The following CCNG2 variants were observed in gnomAD, a reference collection of about 807,000 sequenced individuals.
CCNG2 encodes cyclin G2.
A neutral mutation model predicts 36.5 loss-of-function variants in CCNG2; 20 were observed. That is an observed-to-expected ratio of 0.55 (90% CI 0.39 to 0.80). The LOEUF (loss-of-function observed/expected upper bound fraction) is 0.80. CCNG2 is among the 30% of genes least tolerant of loss of function. The pLI is 0.00. For missense variants in CCNG2, 358 were observed against 390.8 expected, an observed-to-expected ratio of 0.92 and a Z score of 0.71; for synonymous variants, 155 against 140.1, an observed-to-expected ratio of 1.11 and a Z score of -0.75.
intron 6 of CCNG2, 65 bp from the exon 7 acceptor site, chr4:77,164,209 T>G (rs1731561478): frequency 2.6e-6 from 3 of 1,175,928 alleles, no homozygotes; most frequent in Admixed American, 3.5e-5. Flanking sequence ...GCTCACCTAG[T>G]GATTCCAAGG....
chr4:77,160,997 G>A, intron 4 of CCNG2, 26 bp downstream of exon 4: 1 of 1,530,214 alleles, frequency 6.5e-7, no homozygotes. Context: ...GATACATTTT[G>A]TACTTTGAAC....
chr4:77,158,037 C>T (rs1023269892), intron 1 of CCNG2, among the ~76,000 whole-genome samples: 1 of 151,792 alleles, frequency 6.6e-6, no homozygotes, highest in African/African-American at 2.4e-5. Flanking sequence ...CCGAGAGGGG[C>T]TTCTGCAGCT....
rs1249880264 is a variant in CCNG2, at chr4:77,167,301, A to G, written c.*1377A>G. On this transcript the variant is annotated 3_prime_UTR_variant, in exon 8 of 8. Transcript: ENST00000316355. The stretch of plus-strand genomic sequence containing the variant: ...CTTTAGGTGAGGCTACAGTGATTCC[A>G]GAGTGAGCCTTCTAACTGGCTAGCA... The G allele has an allele frequency of 6.6e-6, 1 of 152,232 alleles. No homozygotes were observed. The highest frequency in any genetic ancestry group is 1.5e-5 in the Non-Finnish European group (1 of 68,030). 9.4% of individuals were successfully genotyped at this position (152,232 alleles called of 1,614,324 possible). A position where few individuals can be genotyped will look rare whatever the true frequency, so the allele number is the denominator to read the frequency against.
At chr4:77,163,691 A>G (rs552821742) in intron 6 of CCNG2, among the ~76,000 whole-genome samples, 5 of 152,192 alleles carry the variant, frequency 3.3e-5, no homozygotes, top group Non-Finnish European at 5.9e-5. Flanking sequence ...ACGTAAAAAG[A>G]AAAACAAAAA....
intron 6 of CCNG2, among the ~76,000 whole-genome samples, chr4:77,163,011 T>C (rs1731528323): frequency 6.6e-6 from 1 of 152,038 alleles, no homozygotes; most frequent in Non-Finnish European, 1.5e-5. Context: ...GCAGGAAATT[T>C]GGGAGAAGTT....
chr4:77,160,808 A>C lies in CCNG2; in HGVS notation c.364A>C (p.Thr122Pro). 1 of 1,613,812 alleles carries C rather than the reference A, an allele frequency of 6.2e-7. No individual in the cohort carries two copies. The highest frequency in any genetic ancestry group is 1.1e-5 in the South Asian group (1 of 91,076). ...TGAAGAAGACTGCAATATTCCATCC[A>C]CTCATGATGTGATCCGGATTAGTCA... ...IVEEDCNIPS[T>P]HDVIRISQCK... The change falls in exon 4 of 8, where the codon ACT becomes CCT. Residue 122 changes from threonine to proline, a missense_variant. By Grantham distance (38) the Thr-to-Pro change is conservative (BLOSUM62 -1). Coordinates refer to ENST00000316355, the MANE Select transcript of CCNG2 (RefSeq NM_004354.3).
Position 77,169,164 on chromosome 4 carries a change from T to C in CCNG2, c.*3240T>C, listed in dbSNP as rs1427149189. On this transcript the variant is annotated 3_prime_UTR_variant, in exon 8 of 8. Coordinates refer to ENST00000316355, the MANE Select transcript of CCNG2 (RefSeq NM_004354.3). ...TCGTGACAATTTTAACCATTTTCTT[T>C]GTCTAGAGTCTGCCTTTTTCTTTTT... 2.6e-5 allele frequency: 4 copies of C among 152,210 alleles called. No homozygotes were observed. The highest frequency in any genetic ancestry group is 2.4e-5 in the African/African-American group (1 of 41,448). 9.4% of individuals were successfully genotyped at this position (152,210 alleles called of 1,614,324 possible).
Position 77,160,738 on chromosome 4 carries a change from G to C in CCNG2, c.294G>C (p.Leu98Phe). ...TTTCTCAGGTGAAACCTAAACATTT[G>C]TCTTGCATTGGAGTCTGTTCTTTTT... ...LALMKVKPKH[L>F]SCIGVCSFLL... Residue 98 changes from leucine (L) to phenylalanine (F), a missense_variant, in exon 4 of 8, where the codon TTG (leucine) becomes TTC (phenylalanine). By Grantham distance (22) the Leu-to-Phe change is conservative. Coordinates refer to ENST00000316355, the MANE Select transcript of CCNG2 (RefSeq NM_004354.3). 6.2e-7 allele frequency: 1 copy of C among 1,613,002 alleles called. No homozygotes were observed. The highest frequency in any genetic ancestry group is 8.5e-7 in the Non-Finnish European group (1 of 1,179,712).
chr4:77,164,611 C>T lies in CCNG2; in HGVS notation c.911+132C>T, dbSNP rs149698156. Reference sequence around the variant, plus strand: ...ACTAAGAGCTAAGAATTAAAGCCCCCACTCTTCAGGTAAGCAAATTAACCA... The same window carrying T: ...ACTAAGAGCTAAGAATTAAAGCCCCTACTCTTCAGGTAAGCAAATTAACCA... On this transcript the variant is annotated intron_variant, in intron 7 of 7. Coordinates refer to ENST00000316355, the MANE Select transcript of CCNG2 (RefSeq NM_004354.3). 1.5e-3 allele frequency: 937 copies of T among 623,666 alleles called. 10 individuals are homozygous for T. In the East Asian group the frequency reaches 0.024, roughly 16 times the overall value. The allele number at this position is 623,666 out of a possible 1,614,324, so 38.6% of individuals were successfully genotyped here. A position where few individuals can be genotyped will look rare whatever the true frequency, so the allele number is the denominator to read the frequency against.
Position 77,160,907 on chromosome 4 carries a change from G to GCTA in CCNG2, c.469_471dup (p.Thr157dup), listed in dbSNP as rs1171541143. On this transcript the variant is annotated inframe_insertion, in exon 4 of 8. Transcript: ENST00000316355. ...AGAAAAATTGCACTATGAATTGGAA[G>GCTA]CTACTACTGCCTTAAACTTTTTGCA... The GCTA allele has an allele frequency of 6.2e-7, 1 of 1,611,062 alleles. No individual in the cohort carries two copies. Among genetic ancestry groups the GCTA allele is most frequent in the African/African-American group, 1.3e-5 (1 of 74,874 alleles).
intron 7 of CCNG2, chr4:77,164,921 C>A (rs1346023941): frequency 1.3e-5 from 2 of 153,426 alleles, no homozygotes; most frequent in East Asian, 3.9e-4. Context: ...CCCAAAAAAA[C>A]AAAACTGAAA....
At chr4:77,161,172 G>A (rs1731426736) in intron 4 of CCNG2, among the ~76,000 whole-genome samples, 1 of 142,102 alleles carries the variant, frequency 7.0e-6, no homozygotes, top group Non-Finnish European at 1.5e-5. Context: ...GCGTGATCTC[G>A]GCTCACTGCA....
intron 5 of CCNG2, 30 bp from the exon 6 acceptor site, chr4:77,161,616 AAAT>A (rs1284300508): frequency 1.3e-6 from 2 of 1,570,648 alleles, no homozygotes; most frequent in African/African-American, 2.8e-5. Context: ...AATTTTTAAA[AAAT>A]ATTTTTCTTT....
rs1192653730 is a variant in CCNG2 at position 77,162,180 on chromosome 4, C to T, written c.705+433C>T. On this transcript the variant is annotated intron_variant, in intron 6 of 7. Transcript: ENST00000316355. Reference sequence around the variant, plus strand: ...ATGTTGATGTTTTAAACCCGAATGTCTTTTCAAATCCTTTAGGCCAGCTAA... The same window carrying T: ...ATGTTGATGTTTTAAACCCGAATGTTTTTTCAAATCCTTTAGGCCAGCTAA... 3.3e-5 allele frequency among the ~76,000 whole-genome samples: 5 copies of T among 152,148 alleles called. No homozygotes were observed. The South Asian group carries it at 6.2e-4, about 19-fold the overall frequency.
At position 77,158,631 on chromosome 4, in the gene CCNG2, T is replaced by A. The variant is rs1383523185; in HGVS notation, c.99T>A (p.Pro33=). The part of the protein sequence containing the change: ...VYLEQEERFQ[P]REKGLSLIEA... The stretch of plus-strand genomic sequence containing the variant: ...TGGAACAAGAAGAGAGATTCCAACC[T>A]CGAGAAAAAGGGCTGAGTTTGATTG... Residue 33 remains proline (P), a synonymous_variant, in exon 2 of 8, where the codon CCT becomes CCA. Transcript: ENST00000316355. 6.2e-7 allele frequency: 1 copy of A among 1,614,002 alleles called. No individual in the cohort carries two copies. Among genetic ancestry groups the A allele is most frequent in the Non-Finnish European group, 8.5e-7 (1 of 1,180,010 alleles).
At chr4:77,157,958 A>T (rs1731311309) in intron 1 of CCNG2, among the ~76,000 whole-genome samples, 1 of 151,672 alleles carries the variant, frequency 6.6e-6, no homozygotes, top group African/African-American at 2.4e-5. Flanking sequence ...GGACGGGGGT[A>T]TCCGCCTCTC....
At chr4:77,162,664 G>A (rs996774470) in intron 6 of CCNG2, among the ~76,000 whole-genome samples, 9 of 152,064 alleles carry the variant, frequency 5.9e-5, no homozygotes, top group African/African-American at 1.9e-4. Flanking sequence ...GATTACAGGC[G>A]TGAGCCACTG....
At chr4:77,165,443 T>G (rs566029923) in intron 7 of CCNG2, among the ~76,000 whole-genome samples, 7 of 151,810 alleles carry the variant, frequency 4.6e-5, no homozygotes, top group African/African-American at 7.2e-5. Context: ...TTTTTTTTTT[T>G]GCATGTGCCA....
intron 6 of CCNG2, among the ~76,000 whole-genome samples, 177 bp downstream of exon 6, chr4:77,161,924 C>A (rs894670370): frequency 6.6e-6 from 1 of 152,118 alleles, no homozygotes; most frequent in African/African-American, 2.4e-5. Context: ...CAGTATTAAT[C>A]CGGAAGGGAA....
Sources: gnomAD v4.1 joint callset for allele counts (sites outside exome capture counted in the v4.1 genomes callset) on GRCh38, gnomAD v4.1.1 for gene constraint, MANE v1.5 for transcripts, NCBI Gene and HGNC (gene_info 2026-07-23, HGNC 2026-07-21) for gene names.